Variants in FGFR3 observed in about 807,000 individuals in gnomAD.
FGFR3 encodes the protein FGFR-3.
Under a neutral mutation model 82.9 loss-of-function variants are expected in FGFR3, and 25 were observed. That is an observed-to-expected ratio of 0.30 (90% CI 0.22 to 0.42). The LOEUF is 0.42. Among genes scored for constraint, FGFR3 ranks in the 10% least tolerant of loss-of-function variants. The probability of loss-of-function intolerance (pLI) is 1.00; values close to 1 mark genes in which losing one functional copy is unlikely to be tolerated. For missense variants in FGFR3, 1,026 were observed against 1,161.0 expected, an observed-to-expected ratio of 0.88 and a Z score of 1.69; for synonymous variants, 620 against 516.0, an observed-to-expected ratio of 1.20 and a Z score of -2.73.
At position 1,805,489 on chromosome 4, in the gene FGFR3, C is replaced by T. The variant is rs371043943; in HGVS notation, c.1534+13C>T. On this transcript the variant is annotated intron_variant, in intron 11 of 17. Transcript: ENST00000440486. The stretch of plus-strand genomic sequence containing the variant: ...AAGATGCTGAAAGGTGAGGAGGGGG[C>T]GGCCAGGGGTGCAGAGCAGGGCTGG... 2.9e-5 allele frequency: 47 copies of T among 1,611,888 alleles called. No homozygotes were observed. The highest frequency in any genetic ancestry group is 1.0e-4 in the Admixed American group (6 of 59,952).
rs866827198 is a variant in FGFR3 at position 1,805,911 on chromosome 4, C to T, written c.1807C>T (p.Arg603Trp). ...GGTGTCCTGTGCCTACCAGGTGGCC[C>T]GGGGCATGGAGTACTTGGCCTCCCA... ...DLVSCAYQVA[R>W]GMEYLASQKC... is the part of the protein sequence containing the mutation. Residue 603 changes from arginine (R) to tryptophan (W), a missense_variant, in exon 13 of 18, where the codon CGG becomes TGG. Around this residue, in one of 9 missense-constraint regions of FGFR3, gnomAD observed 164 missense variants for 167.5 expected, o/e 0.98. Coordinates refer to ENST00000440486, the MANE Select transcript of FGFR3 (RefSeq NM_000142.5). The T allele has an allele frequency of 3.1e-6, 5 of 1,611,600 alleles. No homozygotes were observed. The highest frequency in any genetic ancestry group is 1.3e-5 in the African/African-American group (1 of 75,028).
At chr4:1,796,004 T>C (rs1264859393) in intron 2 of FGFR3, among the ~76,000 whole-genome samples, 1 of 152,150 alleles carries the variant, frequency 6.6e-6, no homozygotes, top group Non-Finnish European at 1.5e-5. Flanking sequence ...TGGGGCTAGA[T>C]CTGGGGCTGT....
rs17884416 is a variant in FGFR3, at chr4:1,802,616, G to A, written c.930+591G>A. Among the ~76,000 whole-genome samples the A allele has an allele frequency of 1.2e-4, 18 of 152,328 alleles. No homozygotes were observed. The East Asian group carries it at 3.3e-3, about 28-fold the overall frequency. On this transcript the variant is annotated intron_variant, in intron 7 of 17. Coordinates refer to ENST00000440486, the MANE Select transcript of FGFR3 (RefSeq NM_000142.5). ...AGGGCGAGGGTGGAGTCCAGACCCC[G>A]CCCAGAGAGGCCGCCTCGGGCCCTG...
chr4:1,801,389 CGA>C lies in FGFR3; in HGVS notation c.470_471del (p.Glu157AlafsTer123), dbSNP rs1560414860. 6.4e-7 allele frequency: 1 copy of C among 1,556,908 alleles called. No individual in the cohort carries two copies. Among genetic ancestry groups the C allele is most frequent in the African/African-American group, 1.4e-5 (1 of 73,424 alleles). On this transcript the variant is annotated frameshift_variant, in exon 5 of 18. Coordinates refer to ENST00000440486, the MANE Select transcript of FGFR3 (RefSeq NM_000142.5). LOFTEE classifies it high-confidence loss of function. The stretch of plus-strand genomic sequence containing the variant: ...CAGGGGCCCCTTACTGGACACGGCC[CGA>C]GCGGATGGACAAGAAGCTGCTGGCC... ...DTGAPYWTRP[E>X]RMDKKLLAVP...
Position 1,806,888 on chromosome 4 carries a change from A to G in FGFR3, c.2228A>G (p.Gln743Arg), listed in dbSNP as rs1399826020. The change falls in exon 17 of 18, where the codon CAG becomes CGG. Residue 743 changes from glutamine to arginine, a missense_variant. Gln to Arg is a conservative substitution (Grantham distance 43). Coordinates refer to ENST00000440486, the MANE Select transcript of FGFR3 (RefSeq NM_000142.5). ...AAPSQRPTFK[Q>R]LVEDLDRVLT... ...CCCTCCCAGAGGCCCACCTTCAAGC[A>G]GCTGGTGGAGGACCTGGACCGTGTC... 6.2e-7 allele frequency: 1 copy of G among 1,611,658 alleles called. No homozygotes were observed. The highest frequency in any genetic ancestry group is 8.5e-7 in the Non-Finnish European group (1 of 1,179,596).
Position 1,793,899 on chromosome 4 carries a change from G to T in FGFR3, c.-36G>T. 1 of 968,336 alleles carries T rather than the reference G, an allele frequency of 1.0e-6. No homozygotes were observed. Among genetic ancestry groups the T allele is most frequent in the Non-Finnish European group, 1.3e-6 (1 of 766,856 alleles). The allele number at this position is 968,336 out of a possible 1,614,324, so 60.0% of individuals were successfully genotyped here. A position where few individuals can be genotyped will look rare whatever the true frequency, so the allele number is the denominator to read the frequency against. On this transcript the variant is annotated 5_prime_UTR_variant, in exon 2 of 18. Coordinates refer to ENST00000440486, the MANE Select transcript of FGFR3 (RefSeq NM_000142.5). The stretch of plus-strand genomic sequence containing the variant: ...GCCGTGGGGGGCAGCATGCCCGCGC[G>T]CGCTGCCTGAGGACGCCGCGGCCCC...
chr4:1,803,922 A>G (rs779714717), intron 8 of FGFR3, 86 bp downstream of exon 8: 26 of 1,403,298 alleles, frequency 1.9e-5, no homozygotes, highest in Non-Finnish European at 1.8e-5. Context: ...ACGGACGGGA[A>G]TCCTGTGACT....
rs952930136 is a variant in FGFR3, at chr4:1,807,994, C to T, written c.*732C>T. Reference sequence around the variant, plus strand: ...CACAGGAGGCAGGCATGGCCCTGGGCGGGGCGTGGGGGGGCGTGGAGGGAG... The same window carrying T: ...CACAGGAGGCAGGCATGGCCCTGGGTGGGGCGTGGGGGGGCGTGGAGGGAG... On this transcript the variant is annotated 3_prime_UTR_variant, in exon 18 of 18. Coordinates refer to ENST00000440486, the MANE Select transcript of FGFR3 (RefSeq NM_000142.5). The T allele has an allele frequency of 8.0e-5, 18 of 225,944 alleles. 1 individual carries two copies. The highest frequency in any genetic ancestry group is 4.3e-4 in the Admixed American group (8 of 18,454). 14.0% of individuals were successfully genotyped at this position (225,944 alleles called of 1,614,324 possible). A position where few individuals can be genotyped will look rare whatever the true frequency, so the allele number is the denominator to read the frequency against.
chr4:1,808,839 T>C lies in FGFR3; in HGVS notation c.*1577T>C, dbSNP rs1412946248. 4.4e-6 allele frequency: 1 copy of C among 227,106 alleles called. No individual in the cohort carries two copies. Among genetic ancestry groups the C allele is most frequent in the East Asian group, 6.3e-5 (1 of 15,956 alleles). 14.1% of individuals were successfully genotyped at this position (227,106 alleles called of 1,614,324 possible). On this transcript the variant is annotated 3_prime_UTR_variant, in exon 18 of 18. Transcript: ENST00000440486. ...ATTTTGTTAACCCAGCGACGAACTT[T>C]CCGAAAAATAAAGACACCTGGTTGC...
rs1375247391 is a variant in FGFR3 at position 1,804,841 on chromosome 4, C to T, written c.1284C>T (p.Asn428=). ...PLKRQVSLES[N]ASMSSNTPLV... ...CCAAGCAGGTGTCCCTGGAGTCCAACGCGTCCATGAGCTCCAACACACCAC... is the reference window on the plus strand; with the variant it reads ...CCAAGCAGGTGTCCCTGGAGTCCAATGCGTCCATGAGCTCCAACACACCAC... Residue 428 remains asparagine, a synonymous_variant, in exon 10 of 18, where the codon AAC becomes AAT. Coordinates refer to ENST00000440486, the MANE Select transcript of FGFR3 (RefSeq NM_000142.5). 4.5e-6 allele frequency: 7 copies of T among 1,549,930 alleles called. No homozygotes were observed. The highest frequency in any genetic ancestry group is 2.4e-5 in the South Asian group (2 of 84,036).
rs1721658934 is a variant in FGFR3, at chr4:1,804,736, C to A, written c.1267-88C>A. 9 of 1,507,608 alleles carry A rather than the reference C, an allele frequency of 6.0e-6. No homozygotes were observed. In the South Asian group the frequency reaches 1.1e-4, roughly 18 times the overall value. The allele number at this position is 1,507,608 out of a possible 1,614,324, so 93.4% of individuals were successfully genotyped here. A position where few individuals can be genotyped will look rare whatever the true frequency, so the allele number is the denominator to read the frequency against. ...CAATGCTGGTGGAAGTCAGAACGCCCCCCCTTCTGGCCCAGCACTGACCCC... is the reference window on the plus strand; with the variant it reads ...CAATGCTGGTGGAAGTCAGAACGCCACCCCTTCTGGCCCAGCACTGACCCC... On this transcript the variant is annotated intron_variant, in intron 9 of 17. Coordinates refer to ENST00000440486, the MANE Select transcript of FGFR3 (RefSeq NM_000142.5).
In FGFR3 at chr4:1,807,923, T is replaced by C. The variant is rs1402940456; in HGVS notation, c.*661T>C. The C allele has an allele frequency of 1.1e-5, 3 of 268,852 alleles. No individual in the cohort carries two copies. Among genetic ancestry groups the C allele is most frequent in the Non-Finnish European group, 2.2e-5 (3 of 139,198 alleles). The allele number at this position is 268,852 out of a possible 1,614,324, so 16.7% of individuals were successfully genotyped here. A position where few individuals can be genotyped will look rare whatever the true frequency, so the allele number is the denominator to read the frequency against. ...TATACATATATATATATAACATATATGGAAGAGGAAAAGGCTGGTACAACG... is the reference window on the plus strand; with the variant it reads ...TATACATATATATATATAACATATACGGAAGAGGAAAAGGCTGGTACAACG... On this transcript the variant is annotated 3_prime_UTR_variant, in exon 18 of 18. Coordinates refer to ENST00000440486, the MANE Select transcript of FGFR3 (RefSeq NM_000142.5).
chr4:1,804,292 G>T (rs751902094), intron 8 of FGFR3, 38 bp from the exon 9 acceptor site: 36 of 1,552,288 alleles, frequency 2.3e-5, no homozygotes, highest in East Asian at 2.0e-4. Flanking sequence ...CCGTGGGGGG[G>T]GGGGCCAGGC....
intron 4 of FGFR3, among the ~76,000 whole-genome samples, chr4:1,800,021 G>A (rs892054677): frequency 6.6e-6 from 1 of 152,196 alleles, no homozygotes; most frequent in African/African-American, 2.4e-5. Flanking sequence ...TGGGGTGCAA[G>A]GGGACACCGT....
Position 1,804,426 on chromosome 4 carries a change from C to T in FGFR3, c.1172C>T (p.Ala391Val), listed in dbSNP as rs28931615. ...VGFFLFILVV[A>V]AVTLCRLRSP... ...TTCTTCCTGTTCATCCTGGTGGTGG[C>T]GGCTGTGACGCTCTGCCGCCTGCGC... The change falls in exon 9 of 18, where the codon GCG becomes GTG. Residue 391 changes from alanine to valine, a missense_variant. This residue lies in a region of FGFR3 where 256 missense variants were observed against 217.6 expected (regional missense o/e 1.18). Coordinates refer to ENST00000440486, the MANE Select transcript of FGFR3 (RefSeq NM_000142.5). The T allele has an allele frequency of 7.4e-6, 12 of 1,612,512 alleles. No homozygotes were observed. Among genetic ancestry groups the T allele is most frequent in the Middle Eastern group, 1.7e-4 (1 of 6,052 alleles).
chr4:1,794,876 CT>C (rs1720290095), intron 2 of FGFR3, among the ~76,000 whole-genome samples: 1 of 151,408 alleles, frequency 6.6e-6, no homozygotes, highest in African/African-American at 2.4e-5. Context: ...GGAGGGAGGC[CT>C]TGGCCCGGTG....
At position 1,804,585 on chromosome 4, in the gene FGFR3, G is replaced by T. The variant is rs529524792; in HGVS notation, c.1266+65G>T. ...GCCAGGCCTCCTGGAGCCCCACCTC[G>T]GCCCACGCTGGTCCTGGGCTGTGTG... On this transcript the variant is annotated intron_variant, in intron 9 of 17. Transcript: ENST00000440486. The T allele has an allele frequency of 8.8e-6, 14 of 1,588,578 alleles. No individual in the cohort carries two copies. The Admixed American group carries it at 2.2e-4, about 25-fold the overall frequency.
At chr4:1,805,992 G>A (rs1169807393) in intron 13 of FGFR3, 52 bp downstream of exon 13, 1 of 1,611,076 alleles carries the variant, frequency 6.2e-7, no homozygotes, top group Non-Finnish European at 8.5e-7. Flanking sequence ...GCCCTGAGAT[G>A]CTGGGAGCAG....
rs771762959 is a variant in FGFR3, at chr4:1,806,576, C to T, written c.2061C>T (p.Ile687=). 13 of 1,613,018 alleles carry T rather than the reference C, an allele frequency of 8.1e-6. No individual in the cohort carries two copies. The African/African-American group carries it at 1.6e-4, about 20-fold the overall frequency. The change falls in exon 16 of 18, where the codon ATC becomes ATT. Residue 687 remains isoleucine (I), a synonymous_variant. Coordinates refer to ENST00000440486, the MANE Select transcript of FGFR3 (RefSeq NM_000142.5). ...VWSFGVLLWE[I]FTLGGSPYPG... ...CCTTTGGGGTCCTGCTCTGGGAGAT[C>T]TTCACGCTGGGGGGCTCCCCGTACC...
Sources: allele counts gnomAD v4.1 joint callset (sites outside exome capture counted in the v4.1 genomes callset), GRCh38; gene constraint gnomAD v4.1.1; regional missense constraint gnomAD v4.1.1; transcripts MANE v1.5; gene names NCBI Gene and HGNC (gene_info 2026-07-23, HGNC 2026-07-21).